Variants in IGSF9B observed in about 807,000 individuals in gnomAD.
IGSF9B encodes the protein protein turtle homolog B.
IGSF9B carries 48 observed loss-of-function variants against 143.7 expected under a neutral mutation model. The ratio of observed to expected loss-of-function variants is 0.33; its 90% CI spans 0.26 to 0.42. The LOEUF is 0.42. IGSF9B is among the 20% of genes least tolerant of loss of function. The pLI is 1.00. For missense variants in IGSF9B, 1,706 were observed against 1,980.0 expected (o/e 0.86, Z 2.63); for synonymous variants, 903 against 833.1 (o/e 1.08, Z -1.44).
chr11:133,933,603 C>A (rs567553312), intron 7 of IGSF9B, among the ~76,000 whole-genome samples: 2 of 152,308 alleles, frequency 1.3e-5, no homozygotes, highest in East Asian at 3.9e-4. Flanking sequence ...TTTGAATGAT[C>A]TGGGCATGGT....
chr11:133,920,673 C>G lies in IGSF9B; in HGVS notation c.3052G>C (p.Glu1018Gln). The G allele has an allele frequency of 1.2e-6, 2 of 1,613,532 alleles. No homozygotes were observed. Among genetic ancestry groups the G allele is most frequent in the Non-Finnish European group, 1.7e-6 (2 of 1,179,830 alleles). Residue 1018 changes from glutamate to glutamine, a missense_variant, in exon 18 of 20, where the codon GAG becomes CAG. Around this residue, in one of 7 missense-constraint regions of IGSF9B, gnomAD observed 880 missense variants for 762.9 expected, o/e 1.15. Coordinates refer to ENST00000533871, the MANE Select transcript of IGSF9B (RefSeq NM_001277285.4). ...GHPTIPEENGENASNSTLPLT... is the reference protein window; with the variant it reads ...GHPTIPEENGQNASNSTLPLT... ...GGCAGCGTGCTGTTGGATGCATTCTCTCCATTCTCCTCGGGGATGGTGGGG... is the reference window on the plus strand; with the variant it reads ...GGCAGCGTGCTGTTGGATGCATTCTGTCCATTCTCCTCGGGGATGGTGGGG...
rs183512649 is a variant in IGSF9B, at chr11:133,916,286, G to C, written c.3983+3456C>G. ...AGGAGAAAAAAAGGGAGAGAGAAAG[G>C]AGGAGAGGCAGGGGCAACAACTACA... is the stretch of plus-strand genomic sequence containing the variant. On this transcript the variant is annotated intron_variant, in intron 18 of 19. Transcript: ENST00000533871. 3.1e-3 allele frequency among the ~76,000 whole-genome samples: 476 copies of C among 152,202 alleles called. 2 individuals carry two copies. Among genetic ancestry groups the C allele is most frequent in the African/African-American group, 0.01 (432 of 41,452 alleles).
At chr11:133,940,360 C>CAAAA (rs1491367603) in intron 3 of IGSF9B, among the ~76,000 whole-genome samples, 10 of 102,934 alleles carry the variant, frequency 9.7e-5, no homozygotes, top group South Asian at 3.5e-4. Flanking sequence ...TCATCGCACG[C>CAAAA]ACACACACCT....
chr11:133,933,364 T>C (rs1194362986), intron 7 of IGSF9B, among the ~76,000 whole-genome samples: 2 of 152,224 alleles, frequency 1.3e-5, no homozygotes, highest in East Asian at 3.9e-4. Flanking sequence ...TATCATAGGC[T>C]TAACCACAAA....
intron 18 of IGSF9B, chr11:133,918,931 G>A (rs995403395): frequency 2.2e-6 from 1 of 461,924 alleles, no homozygotes; most frequent in Non-Finnish European, 4.4e-6. Context: ...ACTGACTGGA[G>A]AAGGAAGGAG....
chr11:133,927,051 A>T lies in IGSF9B; in HGVS notation c.1672T>A (p.Leu558Met). ...CAGCTGGGTCCTGGCGGCACTGGCAAGGACAGCCAGTCATGGGGCCCAAAC... is the reference window on the plus strand; with the variant it reads ...CAGCTGGGTCCTGGCGGCACTGGCATGGACAGCCAGTCATGGGGCCCAAAC... The part of the protein sequence containing the change: ...AQFGPHDWLS[L>M]PVPPGPSWLL... Residue 558 changes from leucine (L) to methionine (M), a missense_variant, in exon 13 of 20, where the codon TTG becomes ATG. Transcript: ENST00000533871. The T allele has an allele frequency of 6.4e-7, 1 of 1,562,472 alleles. No homozygotes were observed. Among genetic ancestry groups the T allele is most frequent in the Admixed American group, 1.9e-5 (1 of 52,410 alleles).
Position 133,904,654 on chromosome 11 carries a change from C to T in IGSF9B, c.*4415G>A, listed in dbSNP as rs577989620. On this transcript the variant is annotated 3_prime_UTR_variant, in exon 20 of 20. Coordinates refer to ENST00000533871, the MANE Select transcript of IGSF9B (RefSeq NM_001277285.4). ...TGATCCCCCAGTGTGTACCCTGCAC[C>T]CTTACAAGTAACTAAGTTATCACAT... Among the ~76,000 whole-genome samples the T allele has an allele frequency of 1.1e-4, 16 of 152,112 alleles. No individual in the cohort carries two copies. Among genetic ancestry groups the T allele is most frequent in the South Asian group, 2.1e-4 (1 of 4,802 alleles).
At chr11:133,936,811 G>C (rs1381759736) in intron 5 of IGSF9B, among the ~76,000 whole-genome samples, 2 of 152,184 alleles carry the variant, frequency 1.3e-5, no homozygotes, top group African/African-American at 2.4e-5. Context: ...TAAGCCGGGG[G>C]CCGAGTTCAG....
chr11:133,914,131 T>C (rs142653644), intron 18 of IGSF9B, among the ~76,000 whole-genome samples: 105 of 152,360 alleles, frequency 6.9e-4, no homozygotes, highest in African/African-American at 2.4e-3. Context: ...AGCATTGATT[T>C]ACCACTTACC....
rs1939157572 is a variant in IGSF9B, at chr11:133,902,637, C to CTGGGGGTTAGAGACCAGGGGGA, written c.*6410_*6431dup. 6.7e-6 allele frequency among the ~76,000 whole-genome samples: 1 copy of CTGGGGGTTAGAGACCAGGGGGA among 149,014 alleles called. No individual in the cohort carries two copies. The highest frequency in any genetic ancestry group is 1.5e-5 in the Non-Finnish European group (1 of 66,826). The stretch of plus-strand genomic sequence containing the variant: ...AAGAAACACTGGACTAGACAGCTGG[C>CTGGGGGTTAGAGACCAGGGGGA]TGGGGGTTAGAGACCAGGGGGACAA... On this transcript the variant is annotated 3_prime_UTR_variant, in exon 20 of 20. Coordinates refer to ENST00000533871, the MANE Select transcript of IGSF9B (RefSeq NM_001277285.4).
Position 133,953,048 on chromosome 11 carries a change from G to A in IGSF9B, c.64+3643C>T, listed in dbSNP as rs1031809543. Among the ~76,000 whole-genome samples the A allele has an allele frequency of 6.6e-6, 1 of 152,136 alleles. No individual in the cohort carries two copies. Among genetic ancestry groups the A allele is most frequent in the Admixed American group, 6.5e-5 (1 of 15,280 alleles). On this transcript the variant is annotated intron_variant, in intron 1 of 19. Coordinates refer to ENST00000533871, the MANE Select transcript of IGSF9B (RefSeq NM_001277285.4). The surrounding 1 kb of genome is among the most constrained non-coding windows in gnomAD (Gnocchi z 4.2). ...CCACCCCCACATCTTGAAGCACCCA[G>A]CAGGGCTGAGGAAGAGAGGGCCAAG...
chr11:133,920,008 C>T lies in IGSF9B; in HGVS notation c.3717G>A (p.Leu1239=), dbSNP rs570963236. ...LQQAEMSEIT[L]QPPAAVSFSR... is the part of the protein sequence containing the mutation. ...AAAAGCTGACTGCAGCCGGCGGCTG[C>T]AGGGTGATCTCTGACATCTCTGCCT... Residue 1239 remains leucine, a synonymous_variant, in exon 18 of 20, where the codon CTG becomes CTA. Transcript: ENST00000533871. 23 of 1,583,980 alleles carry T rather than the reference C, an allele frequency of 1.5e-5. No individual in the cohort carries two copies. In the South Asian group the frequency reaches 2.4e-4, roughly 16 times the overall value.
Position 133,906,148 on chromosome 11 carries a change from T to A in IGSF9B, c.*2921A>T, listed in dbSNP as rs922951065. On this transcript the variant is annotated 3_prime_UTR_variant, in exon 20 of 20. Coordinates refer to ENST00000533871, the MANE Select transcript of IGSF9B (RefSeq NM_001277285.4). ...GAGTGCCGAAGTCCTAAGAAGCTGA[T>A]CAGTAGTCACTGCCATTGTTCAAAG... Among the ~76,000 whole-genome samples, 4 of 152,184 alleles carry A rather than the reference T, an allele frequency of 2.6e-5. No homozygotes were observed. The highest frequency in any genetic ancestry group is 2.6e-4 in the Admixed American group (4 of 15,284).
chr11:133,941,747 A>G (rs1380614930), intron 3 of IGSF9B, among the ~76,000 whole-genome samples: 1 of 152,114 alleles, frequency 6.6e-6, no homozygotes, highest in African/African-American at 2.4e-5. Context: ...TTTCCCTATG[A>G]ACAGCCTACC....
chr11:133,921,241 G>T lies in IGSF9B; in HGVS notation c.2484C>A (p.Ser828Arg), dbSNP rs775975180. ...SLYKKTKRAI[S>R]SKKYSVAKAE... ...CCTTGGCCACGCTGTACTTCTTGCTGCTGATGGCCCGCTTGGTCTTCTTGT... is the reference window on the plus strand; with the variant it reads ...CCTTGGCCACGCTGTACTTCTTGCTTCTGATGGCCCGCTTGGTCTTCTTGT... The change falls in exon 18 of 20, where the codon AGC becomes AGA. Residue 828 changes from serine to arginine, a missense_variant. Ser to Arg is a moderately radical substitution (Grantham distance 110, BLOSUM62 -1). This residue lies in a region of IGSF9B where 135 missense variants were observed against 181.3 expected (regional missense o/e 0.74). Coordinates refer to ENST00000533871, the MANE Select transcript of IGSF9B (RefSeq NM_001277285.4). The T allele has an allele frequency of 6.2e-7, 1 of 1,610,880 alleles. No individual in the cohort carries two copies. Among genetic ancestry groups the T allele is most frequent in the Non-Finnish European group, 8.5e-7 (1 of 1,179,112 alleles).
Position 133,908,780 on chromosome 11 carries a change from G to A in IGSF9B, c.*289C>T, listed in dbSNP as rs1477596450. On this transcript the variant is annotated 3_prime_UTR_variant, in exon 20 of 20. Transcript: ENST00000533871. ...CACTTCCAAAGACATTGGAAGAGAT[G>A]AGAAAAATCAACCTAGTGAAGCAGG... The A allele has an allele frequency of 1.1e-5, 4 of 367,854 alleles. No individual in the cohort carries two copies. Among genetic ancestry groups the A allele is most frequent in the African/African-American group, 2.0e-5 (1 of 49,392 alleles). 22.8% of individuals were successfully genotyped at this position (367,854 alleles called of 1,614,324 possible).
At position 133,921,081 on chromosome 11, in the gene IGSF9B, C is replaced by T; in HGVS notation, c.2644G>A (p.Glu882Lys). ...RRIEGFPFAE[E>K]TDMYPEFRQS... Reference sequence around the variant, plus strand: ...CGGAACTCGGGGTACATGTCCGTCTCCTCGGCGAAGGGGAAGCCCTCGATG... The same window carrying T: ...CGGAACTCGGGGTACATGTCCGTCTTCTCGGCGAAGGGGAAGCCCTCGATG... Residue 882 changes from glutamate to lysine, a missense_variant, in exon 18 of 20, where the codon GAG becomes AAG. By Grantham distance (56) the Glu-to-Lys change is moderately conservative. Coordinates refer to ENST00000533871, the MANE Select transcript of IGSF9B (RefSeq NM_001277285.4). The T allele has an allele frequency of 6.2e-7, 1 of 1,613,896 alleles. No homozygotes were observed. Among genetic ancestry groups the T allele is most frequent in the South Asian group, 1.1e-5 (1 of 91,084 alleles).
At chr11:133,938,129 G>A in intron 3 of IGSF9B, 168 bp from the exon 4 acceptor site, 1 of 702,776 alleles carries the variant, frequency 1.4e-6, no homozygotes, top group South Asian at 1.9e-5. Flanking sequence ...ATCACTGGCA[G>A]GGAGACCTGC....
At position 133,932,170 on chromosome 11, in the gene IGSF9B, G is replaced by A. The variant is rs191754064; in HGVS notation, c.1011C>T (p.Pro337=). The part of the protein sequence containing the change: ...VLNMPPVIYV[P]VGIHGYIRCP... ...AGCGGATGTAGCCATGGATCCCCAC[G>A]GGCACGTAAATCACAGGGGGCATGT... The change falls in exon 8 of 20, where the codon CCC becomes CCT. Residue 337 remains proline, a synonymous_variant. Transcript: ENST00000533871. 2.6e-4 allele frequency: 421 copies of A among 1,601,688 alleles called. 1 individual carries two copies. Among genetic ancestry groups the A allele is most frequent in the Admixed American group, 3.8e-4 (22 of 57,826 alleles).
Sources: allele counts gnomAD v4.1 joint callset (sites outside exome capture counted in the v4.1 genomes callset), GRCh38; gene constraint gnomAD v4.1.1; regional missense constraint gnomAD v4.1.1; non-coding constraint Gnocchi (gnomAD v3.1); transcripts MANE v1.5; gene names NCBI Gene and HGNC (gene_info 2026-07-23, HGNC 2026-07-21).